The following PPP1R9A variants were observed in gnomAD, a reference collection of about 807,000 sequenced individuals.
PPP1R9A encodes the protein neurabin-1.
A neutral mutation model predicts 141.9 loss-of-function variants in PPP1R9A; 59 were observed. The ratio of observed to expected loss-of-function variants is 0.42; its 90% confidence interval spans 0.34 to 0.52. The LOEUF is 0.52. Among genes scored for constraint, PPP1R9A ranks in the 20% least tolerant of loss-of-function variants. The pLI, the probability that PPP1R9A is intolerant of heterozygous loss-of-function variation, is 0.10. For missense variants in PPP1R9A, 1,444 were observed against 1,611.9 expected (o/e 0.90, Z 1.78); for synonymous variants, 500 against 569.7 (o/e 0.88, Z 1.74).
intron 2 of PPP1R9A, among the ~76,000 whole-genome samples, chr7:94,949,425 A>G (rs549994944): frequency 7.2e-5 from 11 of 152,168 alleles, no homozygotes; most frequent in South Asian, 2.1e-4. Flanking sequence ...CATTGGAGGT[A>G]TGAAGCAGGG....
intron 2 of PPP1R9A, among the ~76,000 whole-genome samples, chr7:94,992,447 T>C (rs528437981): frequency 2.1e-3 from 327 of 152,364 alleles, no homozygotes; most frequent in Non-Finnish European, 2.1e-3. Flanking sequence ...TGAACAGATG[T>C]ATACAAATTT....
rs148567076 is a variant in PPP1R9A at position 95,058,737 on chromosome 7, G to A, written c.1396-52522G>A. 2.1e-3 allele frequency among the ~76,000 whole-genome samples: 321 copies of A among 152,096 alleles called. 1 individual carries two copies. Among genetic ancestry groups the A allele is most frequent in the African/African-American group, 6.9e-3 (285 of 41,502 alleles). ...ATGGGAGTGGGATCGGGGGTGGAGC[G>A]GGGTGGAGTAGGGAGAAGGTTCTTA... On this transcript the variant is annotated intron_variant, in intron 2 of 19. Coordinates refer to ENST00000433360, the MANE Select transcript of PPP1R9A (RefSeq NM_001166160.2).
At chr7:95,042,626 C>T (rs944757671) in intron 2 of PPP1R9A, among the ~76,000 whole-genome samples, 4 of 152,118 alleles carry the variant, frequency 2.6e-5, no homozygotes, top group African/African-American at 7.2e-5. Context: ...TAATATCTTT[C>T]TGTTCAACAC....
chr7:94,963,987 A>T (rs184384759), intron 2 of PPP1R9A, among the ~76,000 whole-genome samples: 12 of 152,290 alleles, frequency 7.9e-5, no homozygotes. Flanking sequence ...TATATATTCC[A>T]ACTGAAGAGG....
chr7:95,175,759 A>G (rs1832808195), intron 5 of PPP1R9A, among the ~76,000 whole-genome samples: 1 of 152,148 alleles, frequency 6.6e-6, no homozygotes, highest in African/African-American at 2.4e-5. Context: ...ATCAATAACT[A>G]TGCATTCATT....
Position 95,131,656 on chromosome 7 carries a change from T to G in PPP1R9A, c.1649+10824T>G, listed in dbSNP as rs1057034001. ...GAATTTTAACTTTTTTTTTTTTTTG[T>G]CTTTCAGGAGGTAGGTGCTGGAATC... On this transcript the variant is annotated intron_variant, in intron 4 of 19. Coordinates refer to ENST00000433360, the MANE Select transcript of PPP1R9A (RefSeq NM_001166160.2). 9.2e-5 allele frequency among the ~76,000 whole-genome samples: 14 copies of G among 151,382 alleles called. 1 individual carries two copies.
chr7:95,226,117 G>T lies in PPP1R9A; in HGVS notation c.2112+1G>T. On this transcript the variant is annotated splice_donor_variant, in intron 8 of 19. Transcript: ENST00000433360. LOFTEE classifies it high-confidence loss of function. The stretch of plus-strand genomic sequence containing the variant: ...CAAGCTCAGTCACAAGTTCAAAGAG[G>T]TATGCCACTAAGCTGCAAAATATTT... 6.2e-7 allele frequency: 1 copy of T among 1,610,938 alleles called. No individual in the cohort carries two copies.
intron 5 of PPP1R9A, among the ~76,000 whole-genome samples, chr7:95,181,403 TTCCATC>T (rs1245192534): frequency 5.2e-5 from 7 of 135,556 alleles, no homozygotes; most frequent in African/African-American, 1.9e-4. Context: ...AATATATATA[TTCCATC>T]ATATATATAG....
chr7:95,193,579 C>T (rs529911199), intron 5 of PPP1R9A, among the ~76,000 whole-genome samples: 1 of 151,900 alleles, frequency 6.6e-6, no homozygotes, highest in Non-Finnish European at 1.5e-5. Flanking sequence ...ATTTTAGCTT[C>T]ACAGATAATT....
intron 2 of PPP1R9A, among the ~76,000 whole-genome samples, chr7:94,917,911 C>T (rs1210329810): frequency 2.0e-5 from 3 of 152,142 alleles, no homozygotes; most frequent in South Asian, 2.1e-4. Context: ...ATCTCATCTG[C>T]ATTAGATTTT....
chr7:94,926,623 T>C (rs1364255922), intron 2 of PPP1R9A, among the ~76,000 whole-genome samples: 1 of 152,214 alleles, frequency 6.6e-6, no homozygotes. Flanking sequence ...CTATTTAGTC[T>C]TTTTGTCTTC....
chr7:95,196,801 G>A (rs189459515), intron 5 of PPP1R9A, among the ~76,000 whole-genome samples: 1 of 152,126 alleles, frequency 6.6e-6, no homozygotes, highest in Non-Finnish European at 1.5e-5. Context: ...AGTTTGGGTT[G>A]ATGGAAATGT....
intron 14 of PPP1R9A, among the ~76,000 whole-genome samples, chr7:95,273,340 C>A (rs1390961481): frequency 1.3e-5 from 2 of 152,334 alleles, no homozygotes; most frequent in South Asian, 4.1e-4. Context: ...CATGTCCTCC[C>A]CTCCTCTGTT....
chr7:95,189,862 T>A (rs1248581113), intron 5 of PPP1R9A, among the ~76,000 whole-genome samples: 1 of 152,210 alleles, frequency 6.6e-6, no homozygotes, highest in Non-Finnish European at 1.5e-5. Context: ...TGCCTTTTTT[T>A]ATTTCTCTAA....
intron 2 of PPP1R9A, among the ~76,000 whole-genome samples, chr7:94,932,802 G>A (rs1185064984): frequency 7.2e-6 from 1 of 139,544 alleles, no homozygotes; most frequent in African/African-American, 2.7e-5. Flanking sequence ...AGAGGTAACA[G>A]GGTTTGAACC....
intron 4 of PPP1R9A, among the ~76,000 whole-genome samples, chr7:95,158,486 C>G (rs1044072032): frequency 2.0e-5 from 3 of 152,020 alleles, no homozygotes; most frequent in African/African-American, 7.2e-5. Context: ...GAGACCCCAT[C>G]CCCCACCTCC....
intron 7 of PPP1R9A, among the ~76,000 whole-genome samples, chr7:95,211,052 C>T (rs1792006325): frequency 6.6e-6 from 1 of 151,762 alleles, no homozygotes; most frequent in Non-Finnish European, 1.5e-5. Context: ...ATGTAGATGA[C>T]CGGTTGATGG....
rs147439039 is a variant in PPP1R9A at position 94,973,341 on chromosome 7, T to C, written c.1395+61833T>C. Among the ~76,000 whole-genome samples, 951 of 152,286 alleles carry C rather than the reference T, an allele frequency of 6.2e-3. 5 individuals are homozygous for C. The highest frequency in any genetic ancestry group is 9.5e-3 in the Admixed American group (145 of 15,288). ...TAATAAGATTATTGTTTAGGAGATG[T>C]AGAGAGAATGATAGGCTAAAAAAAT... On this transcript the variant is annotated intron_variant, in intron 2 of 19. Transcript: ENST00000433360.
intron 2 of PPP1R9A, among the ~76,000 whole-genome samples, chr7:94,948,398 C>A (rs1796115083): frequency 1.3e-5 from 2 of 152,002 alleles, no homozygotes; most frequent in Admixed American, 1.3e-4. Flanking sequence ...CCCCATTCCC[C>A]CATCACTCCC....
Sources: allele counts gnomAD v4.1 joint callset (sites outside exome capture counted in the v4.1 genomes callset), GRCh38; gene constraint gnomAD v4.1.1; transcripts MANE v1.5; gene names NCBI Gene and HGNC (gene_info 2026-07-23, HGNC 2026-07-21).